Variants in MLLT3 observed in about 807,000 individuals in gnomAD.
The protein encoded by MLLT3 is protein AF-9.
A neutral mutation model predicts 53.2 loss-of-function variants in MLLT3; 4 were observed. The ratio of observed to expected loss-of-function variants is 0.08; its 90% CI spans 0.04 to 0.17. The LOEUF is 0.17. MLLT3 is among the 10% of genes least tolerant of loss of function. MLLT3 has a pLI of 1.00. For missense variants in MLLT3, 569 were observed against 684.0 expected, an observed-to-expected ratio of 0.83 and a Z score of 1.87; for synonymous variants, 283 against 230.6, an observed-to-expected ratio of 1.23 and a Z score of -2.06.
chr9:20,346,638 G>A, intron 10 of MLLT3, 64 bp from the exon 11 acceptor site: 1 of 1,500,278 alleles, frequency 6.7e-7, no homozygotes, highest in Admixed American at 1.9e-5. Context: ...CAAAGAGAGA[G>A]TAATGGAGGG....
chr9:20,575,697 A>T (rs1369715135), intron 2 of MLLT3, among the ~76,000 whole-genome samples: 1 of 152,154 alleles, frequency 6.6e-6, no homozygotes, highest in African/African-American at 2.4e-5. Context: ...GTAGGTCTCA[A>T]TAGTGGACTT....
intron 3 of MLLT3, among the ~76,000 whole-genome samples, chr9:20,452,500 T>C (rs1473915842): frequency 1.3e-5 from 2 of 152,206 alleles, no homozygotes; most frequent in South Asian, 2.1e-4. Context: ...CCTTTATAAA[T>C]TACCCAGTCT....
chr9:20,361,395 T>C (rs1470132945), intron 7 of MLLT3, among the ~76,000 whole-genome samples: 5 of 152,148 alleles, frequency 3.3e-5, no homozygotes, highest in Non-Finnish European at 7.3e-5. Flanking sequence ...AAATGAAACT[T>C]CATAAAGAAT....
At chr9:20,441,897 A>G (rs1823564649) in intron 4 of MLLT3, among the ~76,000 whole-genome samples, 2 of 152,152 alleles carry the variant, frequency 1.3e-5, no homozygotes, top group African/African-American at 4.8e-5. Context: ...TAGAAGCCAA[A>G]GTCTTGACAA....
rs1481287679 is a variant in MLLT3, at chr9:20,343,272, G to C, written c.*3171C>G. The stretch of plus-strand genomic sequence containing the variant: ...ATATTACTGGCTCTTTCCACCAAAA[G>C]GTGAATATTCAGATTAGAGAGATTT... On this transcript the variant is annotated 3_prime_UTR_variant, in exon 11 of 11. Transcript: ENST00000380338. 2 of 181,840 alleles carry C rather than the reference G, an allele frequency of 1.1e-5. No individual in the cohort carries two copies. Among genetic ancestry groups the C allele is most frequent in the African/African-American group, 5.2e-5 (2 of 38,672 alleles). The allele number at this position is 181,840 out of a possible 1,614,324, so 11.3% of individuals were successfully genotyped here. A position where few individuals can be genotyped will look rare whatever the true frequency, so the allele number is the denominator to read the frequency against.
chr9:20,578,935 T>C (rs1344484666), intron 2 of MLLT3, among the ~76,000 whole-genome samples: 1 of 152,212 alleles, frequency 6.6e-6, no homozygotes, highest in Non-Finnish European at 1.5e-5. Flanking sequence ...ACTTGTTTCT[T>C]TTTACTTTTT....
At chr9:20,390,115 G>A (rs114669604) in intron 5 of MLLT3, among the ~76,000 whole-genome samples, 1,672 of 152,202 alleles carry the variant, frequency 0.011, 29 homozygotes, top group African/African-American at 0.038. Context: ...CCAATGAACT[G>A]AAGATAAAAT....
At chr9:20,583,450 T>C (rs1440414773) in intron 2 of MLLT3, among the ~76,000 whole-genome samples, 1 of 152,162 alleles carries the variant, frequency 6.6e-6, no homozygotes, top group East Asian at 1.9e-4. Context: ...CAGTAGGGAC[T>C]CTGTGTGGGG....
At chr9:20,360,238 T>G (rs1821279961) in intron 8 of MLLT3, among the ~76,000 whole-genome samples, 1 of 152,214 alleles carries the variant, frequency 6.6e-6, no homozygotes, top group African/African-American at 2.4e-5. Flanking sequence ...GGAGGGGCTG[T>G]GCACTGCCTT....
At chr9:20,533,903 G>T (rs1416675829) in intron 2 of MLLT3, among the ~76,000 whole-genome samples, 2 of 152,174 alleles carry the variant, frequency 1.3e-5, no homozygotes, top group African/African-American at 4.8e-5. Flanking sequence ...GAGAATCAGG[G>T]ACATGTTAGT....
At chr9:20,443,297 T>C (rs988140071) in intron 4 of MLLT3, among the ~76,000 whole-genome samples, 8 of 152,210 alleles carry the variant, frequency 5.3e-5, no homozygotes, top group African/African-American at 1.9e-4. Flanking sequence ...GCTTGCCTAT[T>C]TTGTGCTTTC....
chr9:20,524,688 T>C (rs1352839635), intron 2 of MLLT3, among the ~76,000 whole-genome samples: 2 of 152,112 alleles, frequency 1.3e-5, no homozygotes, highest in African/African-American at 4.8e-5. Flanking sequence ...CCAAAAGTTT[T>C]ACCAAATATC....
In MLLT3 at chr9:20,569,343, C is replaced by T. The variant is rs542843196; in HGVS notation, c.193+51311G>A. Among the ~76,000 whole-genome samples, 12 of 152,220 alleles carry T rather than the reference C, an allele frequency of 7.9e-5. No homozygotes were observed. The East Asian group carries it at 9.6e-4, about 12-fold the overall frequency. ...CCTGCTAGTAGGCAAAAACTGTTTT[C>T]GAGACCCAGAAAGCCTCCATGGGTT... On this transcript the variant is annotated intron_variant, in intron 2 of 10. Transcript: ENST00000380338.
intron 4 of MLLT3, among the ~76,000 whole-genome samples, chr9:20,443,279 C>T (rs972452232): frequency 2.6e-5 from 4 of 152,256 alleles, no homozygotes; most frequent in Admixed American, 2.6e-4. Context: ...ACTTGATTTT[C>T]CAAAGATGCT....
At chr9:20,601,151 C>G (rs1051881922) in intron 2 of MLLT3, among the ~76,000 whole-genome samples, 53 of 152,290 alleles carry the variant, frequency 3.5e-4, no homozygotes, top group African/African-American at 1.2e-3. Context: ...TGGAAACAAA[C>G]TTCACTTTGG....
intron 5 of MLLT3, among the ~76,000 whole-genome samples, chr9:20,388,438 ATT>A (rs1432586993): frequency 6.6e-6 from 1 of 152,010 alleles, no homozygotes; most frequent in Non-Finnish European, 1.5e-5. Flanking sequence ...AATACCAAAA[ATT>A]AGACAGGCGT....
intron 2 of MLLT3, among the ~76,000 whole-genome samples, chr9:20,572,963 C>T (rs1819569056): frequency 6.6e-6 from 1 of 152,078 alleles, no homozygotes; most frequent in African/African-American, 2.4e-5. Flanking sequence ...GATATAGTTT[C>T]TCCTTCAAAA....
intron 2 of MLLT3, among the ~76,000 whole-genome samples, chr9:20,611,628 T>A (rs1453792916): frequency 6.6e-6 from 1 of 152,124 alleles, no homozygotes; most frequent in African/African-American, 2.4e-5. Context: ...AACACTATTT[T>A]AAAGATAAGC....
In MLLT3 at chr9:20,375,595, TTTTTTTTTTCTTTTC is replaced by T. The variant is rs1291134635; in HGVS notation, c.1126-9866_1126-9852del. Among the ~76,000 whole-genome samples, 454 of 135,616 alleles carry T rather than the reference TTTTTTTTTTCTTTTC, an allele frequency of 3.3e-3. 11 individuals are homozygous for T. The highest frequency in any genetic ancestry group is 0.016 in the African/African-American group (430 of 26,844). The allele number at this position is 135,616 out of a possible 152,430, so 89.0% of individuals were successfully genotyped here. ...AGGAACCTTGTTATTTCAGTAATTT[TTTTTTTTTTCTTTTC>T]TTTTTTTTTTTTTTTGAGACAGAGT... On this transcript the variant is annotated intron_variant, in intron 5 of 10. Transcript: ENST00000380338.
Sources: allele counts gnomAD v4.1 joint callset (sites outside exome capture counted in the v4.1 genomes callset), GRCh38; gene constraint gnomAD v4.1.1; transcripts MANE v1.5; gene names NCBI Gene and HGNC (gene_info 2026-07-23, HGNC 2026-07-21).